Variants in PCDH15 observed in about 807,000 individuals in gnomAD.
PCDH15 encodes the protein protocadherin-15.
In PCDH15, 129 loss-of-function variants were observed where a neutral mutation model predicts 178.5. The observed-to-expected ratio is 0.72, with a 90% CI of 0.63 to 0.84. PCDH15 has a LOEUF of 0.84. Among genes scored for constraint, PCDH15 ranks in the 40% least tolerant of loss-of-function variants. The probability of loss-of-function intolerance (pLI) is 0.00; values close to 1 mark genes in which losing one functional copy is unlikely to be tolerated. For missense variants in PCDH15, 2,230 were observed against 2,099.9 expected (o/e 1.06, Z -1.21); for synonymous variants, 800 against 732.0 (o/e 1.09, Z -1.50).
At chr10:54,825,939 C>T (rs1277522162) in intron 3 of PCDH15, among the ~76,000 whole-genome samples, 2 of 151,966 alleles carry the variant, frequency 1.3e-5, no homozygotes, top group African/African-American at 4.8e-5. Flanking sequence ...TGCATACAGC[C>T]TCTAATACTG....
intron 23 of PCDH15, among the ~76,000 whole-genome samples, chr10:53,950,350 CA>C (rs1273668480): frequency 4.0e-5 from 6 of 151,826 alleles, no homozygotes; most frequent in Non-Finnish European, 5.9e-5. Flanking sequence ...ATTACACTTG[CA>C]AATATACAAA....
intron 20 of PCDH15, among the ~76,000 whole-genome samples, chr10:54,015,279 T>C (rs2092705665): frequency 6.6e-6 from 1 of 152,196 alleles, no homozygotes; most frequent in African/African-American, 2.4e-5. Context: ...TTGAAAAACA[T>C]TCCATGCTTG....
In PCDH15 at chr10:54,968,360, C is replaced by A. The variant is rs566158276; in HGVS notation, c.-79-70860G>T. Among the ~76,000 whole-genome samples, 27 of 152,060 alleles carry A rather than the reference C, an allele frequency of 1.8e-4. No individual in the cohort carries two copies. The East Asian group carries it at 2.3e-3, about 13-fold the overall frequency. On this transcript the variant is annotated intron_variant, in intron 2 of 5. Coordinates refer to the PCDH15 transcript ENST00000458638. The stretch of plus-strand genomic sequence containing the variant: ...GTTAACATGGTATATAATTTCATAT[C>A]CTTTTATTACAATCTATTTGTCTTG...
intron 11 of PCDH15, among the ~76,000 whole-genome samples, chr10:54,193,104 C>T (rs960282702): frequency 1.3e-4 from 20 of 152,194 alleles, no homozygotes; most frequent in Non-Finnish European, 2.9e-4. Context: ...TGTACATCTC[C>T]AAGAGTTGAA....
intron 2 of PCDH15, among the ~76,000 whole-genome samples, chr10:55,005,225 T>TAATAATAATAAC (rs1839898355): frequency 6.9e-6 from 1 of 144,908 alleles, no homozygotes; most frequent in African/African-American, 2.5e-5. Context: ...ATAATAATAA[T>TAATAATAATAAC]AATCAATGGA....
At chr10:55,549,428 T>C (rs914581506) in intron 2 of PCDH15, among the ~76,000 whole-genome samples, 2 of 152,122 alleles carry the variant, frequency 1.3e-5, no homozygotes, top group Non-Finnish European at 1.5e-5. Flanking sequence ...TATGCATCAA[T>C]TGAACATCAC....
intron 19 of PCDH15, among the ~76,000 whole-genome samples, chr10:54,022,147 A>G (rs916493673): frequency 6.6e-6 from 1 of 151,842 alleles, no homozygotes; most frequent in Non-Finnish European, 1.5e-5. Flanking sequence ...CATACCTTAT[A>G]GACCAACTGA....
At chr10:54,146,678 C>G (rs899328512) in intron 14 of PCDH15, among the ~76,000 whole-genome samples, 2 of 151,322 alleles carry the variant, frequency 1.3e-5, no homozygotes, top group African/African-American at 4.8e-5. Flanking sequence ...TAGAATAACA[C>G]AGACATACGT....
At chr10:54,053,634 G>A (rs2093824294) in intron 18 of PCDH15, among the ~76,000 whole-genome samples, 1 of 152,138 alleles carries the variant, frequency 6.6e-6, no homozygotes, top group South Asian at 2.1e-4. Flanking sequence ...AAATCAAGGT[G>A]GGGGTATAAA....
At chr10:55,590,153 G>A (rs1842813410) in intron 2 of PCDH15, among the ~76,000 whole-genome samples, 1 of 151,852 alleles carries the variant, frequency 6.6e-6, no homozygotes, top group Non-Finnish European at 1.5e-5. Flanking sequence ...ATGAGTTCAT[G>A]TCCTTTATAG....
intron 8 of PCDH15, among the ~76,000 whole-genome samples, chr10:54,269,988 T>A (rs534176217): frequency 6.6e-6 from 1 of 152,198 alleles, no homozygotes; most frequent in Non-Finnish European, 1.5e-5. Flanking sequence ...TTACCTGAAG[T>A]AAATTATTAC....
At chr10:55,077,465 T>C (rs145161718) in intron 2 of PCDH15, among the ~76,000 whole-genome samples, 10 of 137,188 alleles carry the variant, frequency 7.3e-5, no homozygotes, top group African/African-American at 2.0e-4. Flanking sequence ...CCTTCCTTCC[T>C]TTCCTTCCTT....
At position 53,941,372 on chromosome 10, in the gene PCDH15, GTC is replaced by G. The variant is rs558951848; in HGVS notation, c.3123-399_3123-398del. Among the ~76,000 whole-genome samples, 84 of 152,174 alleles carry G rather than the reference GTC, an allele frequency of 5.5e-4. No individual in the cohort carries two copies. The South Asian group carries it at 0.012, about 22-fold the overall frequency. On this transcript the variant is annotated intron_variant, in intron 23 of 37. Transcript: ENST00000644397. ...TCTGGCAACCACTGATCTTTGTAGT[GTC>G]TCTATGGTTTTGCCTTTTCCAGAAT...
chr10:54,356,037 T>A (rs1944921623), intron 5 of PCDH15, among the ~76,000 whole-genome samples: 1 of 152,042 alleles, frequency 6.6e-6, no homozygotes, highest in African/African-American at 2.4e-5. Context: ...GTTACAGTCT[T>A]AACCTAGTTC....
chr10:55,517,214 AAC>A (rs1336246818), intron 2 of PCDH15, among the ~76,000 whole-genome samples: 2 of 152,142 alleles, frequency 1.3e-5, no homozygotes, highest in Non-Finnish European at 2.9e-5. Context: ...TCCTTCAACT[AAC>A]AGTTTACTTG....
chr10:55,305,195 C>T (rs1453265375), intron 1 of PCDH15, among the ~76,000 whole-genome samples: 1 of 152,154 alleles, frequency 6.6e-6, no homozygotes, highest in Admixed American at 6.5e-5. Context: ...TTAGGTGCTG[C>T]TGGTAACAGA....
At chr10:54,278,073 C>G (rs2058450806) in intron 8 of PCDH15, among the ~76,000 whole-genome samples, 1 of 151,452 alleles carries the variant, frequency 6.6e-6, no homozygotes, top group Non-Finnish European at 1.5e-5. Flanking sequence ...ATATAGATGA[C>G]AGTATACTAA....
At chr10:54,885,493 C>T (rs528956118) in intron 3 of PCDH15, among the ~76,000 whole-genome samples, 5 of 151,760 alleles carry the variant, frequency 3.3e-5, no homozygotes, top group African/African-American at 1.2e-4. Flanking sequence ...AGGATGAAAA[C>T]AGAATCTAGT....
In PCDH15 at chr10:53,806,691, C is replaced by A. The variant is rs781304179; in HGVS notation, c.5111G>T (p.Ser1704Ile). Residue 1704 changes from serine to isoleucine, a missense_variant, in exon 38 of 38, where the codon AGT (serine) becomes ATT (isoleucine). Physicochemically the swap from Ser to Ile is moderately radical, Grantham distance 142 (BLOSUM62 -2). Transcript: ENST00000644397. ...TTCCAAAGCCTCCTTGATGTTCTTA[C>A]TGTCAATCATGGACTCCTGTTCAAC... ...STVEQESMID[S>I]KNIKEALEFH... is the part of the protein sequence containing the mutation. The A allele has an allele frequency of 6.2e-7, 1 of 1,613,820 alleles. No homozygotes were observed. Among genetic ancestry groups the A allele is most frequent in the Non-Finnish European group, 8.5e-7 (1 of 1,179,788 alleles).
Sources: gnomAD v4.1 joint callset for allele counts (sites outside exome capture counted in the v4.1 genomes callset) on GRCh38, gnomAD v4.1.1 for gene constraint, MANE v1.5 for transcripts, NCBI Gene and HGNC (gene_info 2026-07-23, HGNC 2026-07-21) for gene names.